CCDC169: variants seen among roughly 807,000 people sequenced by gnomAD.
The protein encoded by CCDC169 is coiled-coil domain containing 169.
CCDC169 carries 30 observed loss-of-function variants against 36.0 expected under a neutral mutation model. The ratio of observed to expected loss-of-function variants is 0.83; its 90% CI spans 0.62 to 1.13. The LOEUF is 1.13. CCDC169 is among the 50% of genes most tolerant of loss of function. CCDC169 has a pLI of 0.00. For synonymous variants in CCDC169, 85 were observed against 81.5 expected (o/e 1.04, Z -0.23); for missense variants, 245 against 245.9 (o/e 1.00, Z 0.03).
intron 4 of CCDC169, among the ~76,000 whole-genome samples, chr13:36,279,218 G>A (rs755254306): frequency 1.3e-5 from 2 of 151,762 alleles, no homozygotes; most frequent in Non-Finnish European, 2.9e-5. Context: ...TGGGGTGGGG[G>A]TGGGAGGATC....
intron 4 of CCDC169, among the ~76,000 whole-genome samples, chr13:36,257,576 G>A (rs1031755507): frequency 1.3e-5 from 2 of 152,046 alleles, no homozygotes; most frequent in African/African-American, 2.4e-5. Flanking sequence ...GGTGGCAAAC[G>A]CCTGTAGTCC....
chr13:36,249,486 G>C (rs986309113), intron 6 of CCDC169, among the ~76,000 whole-genome samples: 1 of 152,104 alleles, frequency 6.6e-6, no homozygotes, highest in African/African-American at 2.4e-5. Flanking sequence ...GATAAACTAG[G>C]CGAAAGCATG....
At chr13:36,281,784 C>G (rs1359512635) in intron 4 of CCDC169, among the ~76,000 whole-genome samples, 2 of 152,034 alleles carry the variant, frequency 1.3e-5, no homozygotes, top group African/African-American at 4.8e-5. Context: ...ACTGCTTGAG[C>G]TCAGCAGGCA....
intron 4 of CCDC169, among the ~76,000 whole-genome samples, chr13:36,259,210 T>C (rs1175022293): frequency 1.3e-5 from 2 of 152,150 alleles, no homozygotes; most frequent in African/African-American, 2.4e-5. Flanking sequence ...GGCAGCGTCC[T>C]GACCCCTGGC....
chr13:36,284,888 A>T (rs1009183105), intron 2 of CCDC169, among the ~76,000 whole-genome samples: 2 of 152,290 alleles, frequency 1.3e-5, no homozygotes, highest in South Asian at 4.1e-4. Flanking sequence ...TCTCTATGCA[A>T]ATGCGGTCTA....
At chr13:36,261,790 C>T (rs894598365) in intron 4 of CCDC169, among the ~76,000 whole-genome samples, 2 of 152,126 alleles carry the variant, frequency 1.3e-5, no homozygotes, top group Non-Finnish European at 2.9e-5. Flanking sequence ...AGACTTGCCT[C>T]CAGAGCCTGC....
At chr13:36,240,700 C>A in intron 7 of CCDC169, 1 of 974,874 alleles carries the variant, frequency 1.0e-6, no homozygotes, top group Non-Finnish European at 1.4e-6. Flanking sequence ...AGGTTTCACA[C>A]TAAAGAAAAA....
chr13:36,265,764 G>C (rs143624355), intron 4 of CCDC169, among the ~76,000 whole-genome samples: 1 of 152,178 alleles, frequency 6.6e-6, no homozygotes, highest in Admixed American at 6.5e-5. Context: ...GACCCATAAG[G>C]GGGTAACTTT....
intron 6 of CCDC169, among the ~76,000 whole-genome samples, chr13:36,252,178 C>T (rs147849949): frequency 7.9e-5 from 12 of 152,260 alleles, no homozygotes; most frequent in Non-Finnish European, 1.3e-4. Context: ...GAGCACATTC[C>T]AAGCACATAG....
chr13:36,276,495 T>C (rs1876845301), intron 4 of CCDC169, among the ~76,000 whole-genome samples: 1 of 152,192 alleles, frequency 6.6e-6, no homozygotes, highest in South Asian at 2.1e-4. Flanking sequence ...ATAATGTTTC[T>C]CTGTTTCTAC....
chr13:36,286,009 T>A (rs1243214437), intron 2 of CCDC169, among the ~76,000 whole-genome samples: 1 of 152,212 alleles, frequency 6.6e-6, no homozygotes, highest in Non-Finnish European at 1.5e-5. Context: ...AATTGAACTA[T>A]GCAATCAGCA....
chr13:36,258,416 T>C (rs886376008), intron 4 of CCDC169, among the ~76,000 whole-genome samples: 1 of 151,946 alleles, frequency 6.6e-6, no homozygotes, highest in African/African-American at 2.4e-5. Context: ...CAGGATGAAA[T>C]AGGAGGTTGG....
At chr13:36,253,115 T>C (rs938949290) in intron 6 of CCDC169, among the ~76,000 whole-genome samples, 1 of 152,198 alleles carries the variant, frequency 6.6e-6, no homozygotes, top group Non-Finnish European at 1.5e-5. Flanking sequence ...ACTGATCACC[T>C]CTTTGTCCTG....
intron 4 of CCDC169, among the ~76,000 whole-genome samples, chr13:36,278,462 T>C (rs1451250068): frequency 6.6e-6 from 1 of 152,206 alleles, no homozygotes; most frequent in Non-Finnish European, 1.5e-5. Flanking sequence ...TCCTATGTCC[T>C]AGCCTCTAAT....
At chr13:36,285,614 G>GATAGATAGATAGATAGATAC (rs568184993) in intron 2 of CCDC169, among the ~76,000 whole-genome samples, 2,264 of 137,978 alleles carry the variant, frequency 0.016, 19 homozygotes, top group Admixed American at 0.029. Context: ...TAGATAGATA[G>GATAGATAGATAGATAGATAC]ATAGATACAT....
At chr13:36,230,273 A>G (rs1362993232), downstream of CCDC169, among the ~76,000 whole-genome samples, 1 of 152,260 alleles carries the variant, frequency 6.6e-6, no homozygotes, top group Non-Finnish European at 1.5e-5. Context: ...GATTTCACTT[A>G]TTAAAGTGGA....
chr13:36,244,707 A>C (rs1454139047), intron 7 of CCDC169: 1 of 152,288 alleles, frequency 6.6e-6, no homozygotes, highest in Non-Finnish European at 1.5e-5. Flanking sequence ...GAGGAAGGAA[A>C]TATATATTAG....
chr13:36,270,278 C>T lies in CCDC169; in HGVS notation c.315+13191G>A, dbSNP rs186867531. ...GCTGAAAGAAATCACCGATGAAACA[C>T]ACAAAAAAGGAAACAACATCCCATG... On this transcript the variant is annotated intron_variant, in intron 4 of 7. Coordinates refer to ENST00000239859, the MANE Select transcript of CCDC169 (RefSeq NM_001144981.3). Among the ~76,000 whole-genome samples the T allele has an allele frequency of 2.9e-3, 435 of 152,134 alleles. 1 individual carries two copies. The highest frequency in any genetic ancestry group is 9.9e-3 in the African/African-American group (410 of 41,530).
At chr13:36,247,623 G>A (rs1405492507) in intron 7 of CCDC169, among the ~76,000 whole-genome samples, 1 of 152,166 alleles carries the variant, frequency 6.6e-6, no homozygotes, top group Non-Finnish European at 1.5e-5. Flanking sequence ...ACTAGAATTA[G>A]AAGTAGAGCC....
Sources: allele counts gnomAD v4.1 joint callset (sites outside exome capture counted in the v4.1 genomes callset), GRCh38; gene constraint gnomAD v4.1.1; transcripts MANE v1.5; gene names NCBI Gene and HGNC (gene_info 2026-07-23, HGNC 2026-07-21).